SCARA5: variants seen among roughly 807,000 people sequenced by gnomAD.
SCARA5 encodes scavenger receptor class A, member 5 (putative).
Under a neutral mutation model 46.3 loss-of-function variants are expected in SCARA5, and 45 were observed. The observed-to-expected ratio is 0.97, with a 90% CI of 0.76 to 1.24. The LOEUF is 1.24. Ranked by LOEUF, SCARA5 falls within the 50% of genes most tolerant of loss-of-function variation. The pLI is 0.00. For missense variants in SCARA5, 680 were observed against 689.0 expected (o/e 0.99, Z 0.15); for synonymous variants, 333 against 306.5 (o/e 1.09, Z -0.90).
chr8:27,942,915 A>G, intron 3 of SCARA5, among the ~76,000 whole-genome samples: 1 of 152,190 alleles, frequency 6.6e-6, no homozygotes, highest in East Asian at 1.9e-4. Context: ...ATCATTTAGC[A>G]TGAATGCCAC....
intron 2 of SCARA5, among the ~76,000 whole-genome samples, chr8:27,980,511 G>A (rs971443377): frequency 6.6e-6 from 1 of 152,164 alleles, no homozygotes; most frequent in African/African-American, 2.4e-5. Context: ...GAGATGGCAT[G>A]GCCTAGGGCT....
rs2726985 is a variant in SCARA5 at position 27,905,085 on chromosome 8, T to C, written c.1097-251A>G. Among the ~76,000 whole-genome samples, 83,287 of 151,656 alleles carry C rather than the reference T, an allele frequency of 0.55. 23,674 individuals carry two copies. Among genetic ancestry groups the C allele is most frequent in the Non-Finnish European group, 0.63 (42,968 of 67,920 alleles). ...TAAAGAACCAAAGAGCACATGGAATTTTGCAGGAAGAAGACAAGTCAAAGA... is the reference window on the plus strand; with the variant it reads ...TAAAGAACCAAAGAGCACATGGAATCTTGCAGGAAGAAGACAAGTCAAAGA... On this transcript the variant is annotated intron_variant, in intron 6 of 8. Coordinates refer to ENST00000354914, the MANE Select transcript of SCARA5 (RefSeq NM_173833.6).
At chr8:27,902,642 C>A (rs1259812203) in intron 7 of SCARA5, among the ~76,000 whole-genome samples, 1 of 152,206 alleles carries the variant, frequency 6.6e-6, no homozygotes, top group Non-Finnish European at 1.5e-5. Context: ...CCACCCCCAT[C>A]AGGAGTTGTT....
intron 2 of SCARA5, among the ~76,000 whole-genome samples, chr8:27,968,016 T>G (rs1808395755): frequency 6.6e-6 from 1 of 152,064 alleles, no homozygotes; most frequent in Non-Finnish European, 1.5e-5. Flanking sequence ...TTAGAAAACA[T>G]CCTGAAGGAT....
At position 27,907,199 on chromosome 8, in the gene SCARA5, C is replaced by T. The variant is rs139682569; in HGVS notation, c.1045G>A (p.Asp349Asn). The T allele has an allele frequency of 1.2e-4, 190 of 1,613,652 alleles. No homozygotes were observed. The highest frequency in any genetic ancestry group is 1.2e-4 in the Non-Finnish European group (145 of 1,179,870). The change falls in exon 6 of 9, where the codon GAT becomes AAT. Residue 349 changes from aspartate to asparagine, a missense_variant. This residue lies in a region of SCARA5 where 219 missense variants were observed against 269.5 expected (regional missense o/e 0.81). Coordinates refer to ENST00000354914, the MANE Select transcript of SCARA5 (RefSeq NM_173833.6). ...GTPGLPGPKG[D>N]DGKLGATGPM... ...CCTGTGGCCCCCAGCTTCCCATCAT[C>T]GCCCTTGGGCCCGGGCAATCCTGGG... is the stretch of plus-strand genomic sequence containing the variant.
chr8:27,899,232 T>G (rs1807112549), intron 7 of SCARA5, among the ~76,000 whole-genome samples: 1 of 152,184 alleles, frequency 6.6e-6, no homozygotes, highest in South Asian at 2.1e-4. Flanking sequence ...AACTCCAGGT[T>G]GATTATGTCA....
intron 2 of SCARA5, among the ~76,000 whole-genome samples, chr8:27,974,824 C>A (rs535171949): frequency 6.6e-6 from 1 of 151,722 alleles, no homozygotes; most frequent in Non-Finnish European, 1.5e-5. Flanking sequence ...GGAGTCACAG[C>A]GGACCCAGGG....
chr8:27,987,845 G>A (rs1313443440), intron 1 of SCARA5, among the ~76,000 whole-genome samples: 3 of 152,186 alleles, frequency 2.0e-5, no homozygotes, highest in African/African-American at 7.2e-5. Flanking sequence ...CTTCCTCAGG[G>A]CTTCAGAAGA....
chr8:27,888,273 A>G (rs2726929), intron 7 of SCARA5, among the ~76,000 whole-genome samples: 19,190 of 152,204 alleles, frequency 0.13, 1,283 homozygotes, highest in East Asian at 0.23. Flanking sequence ...ATAAAGGAAA[A>G]TTCCAGGCAC....
chr8:27,943,821 G>A (rs199791345), intron 3 of SCARA5, among the ~76,000 whole-genome samples: 1 of 152,302 alleles, frequency 6.6e-6, no homozygotes, highest in East Asian at 1.9e-4. Flanking sequence ...TAAAATCATG[G>A]AGTGAAGGAT....
rs60443615 is a variant in SCARA5 at position 27,940,760 on chromosome 8, G to GTCCATCCATCCATCCA, written c.242-18531_242-18516dup. Among the ~76,000 whole-genome samples, 50 of 128,364 alleles carry GTCCATCCATCCATCCA rather than the reference G, an allele frequency of 3.9e-4. No individual in the cohort carries two copies. The East Asian group carries it at 6.4e-3, about 16-fold the overall frequency. 84.2% of individuals were successfully genotyped at this position (128,364 alleles called of 152,430 possible). A position where few individuals can be genotyped will look rare whatever the true frequency, so the allele number is the denominator to read the frequency against. On this transcript the variant is annotated intron_variant, in intron 3 of 8. Transcript: ENST00000354914. Reference sequence around the variant, plus strand: ...TGCCCATCCACCCACCCAACCATCTGTCCATCCATCCATCCATCCATCCAT... The same window carrying GTCCATCCATCCATCCA: ...TGCCCATCCACCCACCCAACCATCTGTCCATCCATCCATCCATCCATCCATCCATCCATCCATCCAT...
At chr8:27,894,628 A>C (rs567724785) in intron 7 of SCARA5, among the ~76,000 whole-genome samples, 2 of 152,056 alleles carry the variant, frequency 1.3e-5, no homozygotes, top group African/African-American at 4.8e-5. Context: ...CGGCTACACA[A>C]CTCCCTAGTT....
rs566093601 is a variant in SCARA5 at position 27,913,125 on chromosome 8, G to T, written c.917-3382C>A. Among the ~76,000 whole-genome samples, 4 of 152,302 alleles carry T rather than the reference G, an allele frequency of 2.6e-5. No individual in the cohort carries two copies. In the South Asian group the frequency reaches 8.3e-4, roughly 32 times the overall value. ...GAAATCACCCTGTGGAGTTTGGCTG[G>T]GTCATCCAAGGAGAGGCAGGGCTCA... On this transcript the variant is annotated intron_variant, in intron 4 of 8. Transcript: ENST00000354914.
At chr8:27,978,903 A>C (rs1808569449) in intron 2 of SCARA5, among the ~76,000 whole-genome samples, 3 of 150,434 alleles carry the variant, frequency 2.0e-5, no homozygotes, top group African/African-American at 4.9e-5. Flanking sequence ...ACCCTCTTAC[A>C]CCCTCCTATC....
intron 2 of SCARA5, among the ~76,000 whole-genome samples, chr8:27,974,519 C>T (rs1808493885): frequency 6.6e-6 from 1 of 151,980 alleles, no homozygotes; most frequent in Non-Finnish European, 1.5e-5. Flanking sequence ...CAAACAGCTA[C>T]TTTCTTCTTG....
chr8:27,923,672 T>C (rs976323185), intron 3 of SCARA5, among the ~76,000 whole-genome samples: 1 of 152,094 alleles, frequency 6.6e-6, no homozygotes, highest in Admixed American at 6.5e-5. Context: ...GCCTCCCAGG[T>C]TCAAGTGATT....
At chr8:27,960,294 A>AG (rs1473195769) in intron 3 of SCARA5, among the ~76,000 whole-genome samples, 1 of 151,850 alleles carries the variant, frequency 6.6e-6, no homozygotes, top group African/African-American at 2.4e-5. Context: ...CTCCTACATC[A>AG]GCCTCCTGAG....
intron 2 of SCARA5, among the ~76,000 whole-genome samples, chr8:27,986,433 T>C (rs1207583062): frequency 6.6e-6 from 1 of 152,202 alleles, no homozygotes; most frequent in African/African-American, 2.4e-5. Context: ...ACAGAGATTT[T>C]TTAATTTGTG....
At chr8:27,945,681 T>G (rs1808024695) in intron 3 of SCARA5, among the ~76,000 whole-genome samples, 1 of 152,226 alleles carries the variant, frequency 6.6e-6, no homozygotes, top group Admixed American at 6.5e-5. Flanking sequence ...TTATACTTCC[T>G]TGGTCCCCCT....
Sources: allele counts gnomAD v4.1 joint callset (sites outside exome capture counted in the v4.1 genomes callset), GRCh38; gene constraint gnomAD v4.1.1; regional missense constraint gnomAD v4.1.1; transcripts MANE v1.5; gene names NCBI Gene and HGNC (gene_info 2026-07-23, HGNC 2026-07-21).